Variants in TRAPPC9 observed in about 807,000 individuals in gnomAD.
The protein encoded by TRAPPC9 is IKK2 binding protein.
In TRAPPC9, 83 loss-of-function variants were observed where a neutral mutation model predicts 124.0. That is an observed-to-expected ratio of 0.67 (90% confidence interval 0.56 to 0.80). TRAPPC9 has a LOEUF of 0.80. Ranked by LOEUF, TRAPPC9 falls within the 30% of genes least tolerant of loss-of-function variation. The pLI is 0.00. For synonymous variants in TRAPPC9, 638 were observed against 617.5 expected, an observed-to-expected ratio of 1.03 and a Z score of -0.49; for missense variants, 1,302 against 1,508.3, an observed-to-expected ratio of 0.86 and a Z score of 2.27.
chr8:140,155,899 C>T (rs935876813), intron 17 of TRAPPC9, among the ~76,000 whole-genome samples: 2 of 152,168 alleles, frequency 1.3e-5, no homozygotes, highest in African/African-American at 4.8e-5. Context: ...CCACTACTGA[C>T]GATCAAGGGT....
chr8:139,970,223 G>A (rs1835974347), intron 19 of TRAPPC9, among the ~76,000 whole-genome samples: 1 of 152,222 alleles, frequency 6.6e-6, no homozygotes, highest in Non-Finnish European at 1.5e-5. Flanking sequence ...CAGGAGTCCA[G>A]GTCCCAGCTC....
chr8:140,057,136 C>T (rs756150259), intron 17 of TRAPPC9, among the ~76,000 whole-genome samples: 16 of 152,198 alleles, frequency 1.1e-4, no homozygotes, highest in Non-Finnish European at 1.9e-4. Context: ...AAAAACATGA[C>T]GATACATTAC....
At chr8:140,148,309 G>A (rs746593848) in intron 17 of TRAPPC9, among the ~76,000 whole-genome samples, 13 of 152,128 alleles carry the variant, frequency 8.5e-5, no homozygotes, top group African/African-American at 7.2e-5. Context: ...ATTCATTCAC[G>A]GGAGTAAACC....
At chr8:139,955,572 C>T (rs184093834) in intron 19 of TRAPPC9, among the ~76,000 whole-genome samples, 3 of 152,290 alleles carry the variant, frequency 2.0e-5, no homozygotes, top group Admixed American at 1.3e-4. Flanking sequence ...AGGCTCCCTC[C>T]CAGGCAGCCA....
intron 14 of TRAPPC9, among the ~76,000 whole-genome samples, chr8:140,276,768 T>C (rs528745119): frequency 3.6e-4 from 54 of 152,062 alleles, no homozygotes; most frequent in Non-Finnish European, 6.3e-4. Context: ...CTGGAGAAGT[T>C]TGGCCACAGG....
intron 19 of TRAPPC9, among the ~76,000 whole-genome samples, chr8:139,954,197 C>T (rs969597166): frequency 1.3e-5 from 2 of 152,216 alleles, no homozygotes; most frequent in African/African-American, 4.8e-5. Context: ...AATATGCTCA[C>T]TGTCCAGATT....
chr8:139,927,680 A>T (rs1346723577), intron 19 of TRAPPC9, among the ~76,000 whole-genome samples: 4 of 152,228 alleles, frequency 2.6e-5, no homozygotes, highest in African/African-American at 9.6e-5. Context: ...CTTTAATAGC[A>T]ATAGCCAAAA....
chr8:139,905,237 T>C (rs765613128), intron 20 of TRAPPC9, among the ~76,000 whole-genome samples: 1 of 147,878 alleles, frequency 6.8e-6, no homozygotes, highest in Non-Finnish European at 1.5e-5. Context: ...AGGAGAGGTC[T>C]GGGTCGGGGG....
intron 8 of TRAPPC9, among the ~76,000 whole-genome samples, chr8:140,362,076 C>T (rs1312746704): frequency 6.6e-6 from 1 of 152,184 alleles, no homozygotes; most frequent in African/African-American, 2.4e-5. Flanking sequence ...GCACAAATTT[C>T]AGCCCACAGG....
intron 7 of TRAPPC9, among the ~76,000 whole-genome samples, chr8:140,376,967 C>A (rs2068459452): frequency 6.6e-6 from 1 of 151,888 alleles, no homozygotes; most frequent in Non-Finnish European, 1.5e-5. Context: ...TGGACAGATA[C>A]CTGGAAGGTT....
chr8:140,456,938 T>G, intron 1 of TRAPPC9: 2 of 509,074 alleles, frequency 3.9e-6, no homozygotes, highest in Non-Finnish European at 5.1e-6. Flanking sequence ...TGGAGGGGAT[T>G]GGGGTGGGCT....
At chr8:140,121,168 G>T (rs1407553397) in intron 17 of TRAPPC9, among the ~76,000 whole-genome samples, 1 of 152,240 alleles carries the variant, frequency 6.6e-6, no homozygotes, top group Non-Finnish European at 1.5e-5. Flanking sequence ...AGAAAAGTAG[G>T]AATTCACTAA....
At position 139,962,429 on chromosome 8, in the gene TRAPPC9, C is replaced by A. The variant is rs1004412913; in HGVS notation, c.2810+26297G>T. The stretch of plus-strand genomic sequence containing the variant: ...TGTAAGAACACAAGTTGTATGTTCT[C>A]TTTTTTTCATTCATCCATTCATTCA... On this transcript the variant is annotated intron_variant, in intron 19 of 22. Coordinates refer to ENST00000438773, the MANE Select transcript of TRAPPC9 (RefSeq NM_001160372.4). Among the ~76,000 whole-genome samples the A allele has an allele frequency of 1.5e-4, 19 of 125,370 alleles. 5 individuals carry two copies. Among genetic ancestry groups the A allele is most frequent in the East Asian group, 6.6e-4 (3 of 4,568 alleles). 82.2% of individuals were successfully genotyped at this position (125,370 alleles called of 152,430 possible).
chr8:139,919,189 C>A (rs570934948), intron 19 of TRAPPC9, among the ~76,000 whole-genome samples: 1 of 152,218 alleles, frequency 6.6e-6, no homozygotes, highest in Non-Finnish European at 1.5e-5. Context: ...TGCAGCAACA[C>A]GGACTGGAGC....
At chr8:140,066,926 C>T (rs1325798205) in intron 17 of TRAPPC9, among the ~76,000 whole-genome samples, 1 of 152,128 alleles carries the variant, frequency 6.6e-6, no homozygotes, top group Non-Finnish European at 1.5e-5. Flanking sequence ...CATGTGAAGC[C>T]AAGCCATCTA....
chr8:140,119,949 G>T (rs1224440697), intron 17 of TRAPPC9, among the ~76,000 whole-genome samples: 1 of 152,200 alleles, frequency 6.6e-6, no homozygotes, highest in East Asian at 1.9e-4. Flanking sequence ...CCCTTGGCAA[G>T]ACTGAATTCC....
intron 19 of TRAPPC9, chr8:139,931,048 C>T (rs1259328537): frequency 6.6e-6 from 1 of 152,200 alleles, no homozygotes; most frequent in Non-Finnish European, 1.5e-5. Flanking sequence ...GAGGCCCTGG[C>T]TCTTGTCCTC....
chr8:140,343,531 G>A (rs2067254097), intron 9 of TRAPPC9, among the ~76,000 whole-genome samples: 1 of 152,220 alleles, frequency 6.6e-6, no homozygotes, highest in Admixed American at 6.5e-5. Context: ...TGACAAGGCA[G>A]CAAAGGTGAC....
At chr8:140,148,420 G>T (rs2061493392) in intron 17 of TRAPPC9, among the ~76,000 whole-genome samples, 1 of 152,106 alleles carries the variant, frequency 6.6e-6, no homozygotes, top group Non-Finnish European at 1.5e-5. Context: ...TCAGAGAAAA[G>T]AAAATTCCCA....
Sources: gnomAD v4.1 joint callset for allele counts (sites outside exome capture counted in the v4.1 genomes callset) on GRCh38, gnomAD v4.1.1 for gene constraint, MANE v1.5 for transcripts, NCBI Gene and HGNC (gene_info 2026-07-23, HGNC 2026-07-21) for gene names.